FARP2: variants seen among roughly 807,000 people sequenced by gnomAD.
FARP2 encodes FERM, ARH/RhoGEF and pleckstrin domain protein 2.
A neutral mutation model predicts 130.5 loss-of-function variants in FARP2; 111 were observed. The ratio of observed to expected loss-of-function variants is 0.85; its 90% CI spans 0.73 to 1.00. The LOEUF is 1.00. FARP2 is among the 50% of genes least tolerant of loss of function. The pLI is 0.00. For synonymous variants in FARP2, 504 were observed against 516.9 expected, an observed-to-expected ratio of 0.98 and a Z score of 0.34; for missense variants, 1,385 against 1,346.3, an observed-to-expected ratio of 1.03 and a Z score of -0.45.
chr2:241,439,329 A>T (rs527760954), intron 12 of FARP2, among the ~76,000 whole-genome samples: 2 of 150,524 alleles, frequency 1.3e-5, no homozygotes, highest in Non-Finnish European at 3.0e-5. Context: ...CAAAGTTAGA[A>T]TTTTTTTTTC....
intron 2 of FARP2, among the ~76,000 whole-genome samples, chr2:241,383,021 A>G (rs1245471312): frequency 6.6e-6 from 1 of 152,266 alleles, no homozygotes; most frequent in African/African-American, 2.4e-5. Flanking sequence ...CTTCGCAGAA[A>G]GTGATTACTT....
intron 8 of FARP2, among the ~76,000 whole-genome samples, chr2:241,420,672 G>A (rs934764086): frequency 5.9e-5 from 9 of 152,134 alleles, no homozygotes; most frequent in Non-Finnish European, 1.0e-4. Flanking sequence ...TGGTCTGCAC[G>A]CCAGGCAGGG....
At chr2:241,367,695 A>G (rs1422791310) in intron 1 of FARP2, among the ~76,000 whole-genome samples, 1 of 151,904 alleles carries the variant, frequency 6.6e-6, no homozygotes, top group Non-Finnish European at 1.5e-5. Flanking sequence ...AGGAAAGGTG[A>G]TTTTTTTTAA....
chr2:241,477,705 G>C (rs1363357227), intron 19 of FARP2, among the ~76,000 whole-genome samples: 2 of 152,208 alleles, frequency 1.3e-5, no homozygotes, highest in African/African-American at 4.8e-5. Flanking sequence ...ACTCGTATGA[G>C]ACTTCCAGTT....
At chr2:241,466,225 C>T (rs2064165305) in intron 17 of FARP2, 1 of 985,336 alleles carries the variant, frequency 1.0e-6, no homozygotes, top group Non-Finnish European at 1.2e-6. Context: ...AGCCCGGGCC[C>T]CTGTCCCCCT....
chr2:241,436,407 A>C lies in FARP2; in HGVS notation c.1101-74A>C, dbSNP rs546279870. ...GAGGTTTTCTTCATGGATACAGTACATGCTTGCTGCTTTAAAAACAGGCGC... is the reference window on the plus strand; with the variant it reads ...GAGGTTTTCTTCATGGATACAGTACCTGCTTGCTGCTTTAAAAACAGGCGC... On this transcript the variant is annotated intron_variant, in intron 11 of 26. Coordinates refer to ENST00000264042, the MANE Select transcript of FARP2 (RefSeq NM_014808.4). The C allele has an allele frequency of 1.1e-4, 152 of 1,328,798 alleles. 2 individuals are homozygous for C. The highest frequency in any genetic ancestry group is 1.8e-4 in the Middle Eastern group (1 of 5,558). 82.3% of individuals were successfully genotyped at this position (1,328,798 alleles called of 1,614,324 possible). A position where few individuals can be genotyped will look rare whatever the true frequency, so the allele number is the denominator to read the frequency against.
At chr2:241,415,611 G>A (rs1175193263) in intron 7 of FARP2, among the ~76,000 whole-genome samples, 4 of 152,196 alleles carry the variant, frequency 2.6e-5, no homozygotes, top group African/African-American at 9.7e-5. Flanking sequence ...GCAGATACAG[G>A]TCAGGAAGGG....
In FARP2 at chr2:241,356,397, G is replaced by T. The variant is rs901078526; in HGVS notation, c.-25+9G>T. On this transcript the variant is annotated intron_variant, in intron 1 of 26. Coordinates refer to ENST00000264042, the MANE Select transcript of FARP2 (RefSeq NM_014808.4). ...CGAGCGAGAGGCCGAGGGTGAGGAC[G>T]TGAAGCGGCCTGGGCGCGTGGGGCA... The T allele has an allele frequency of 2.0e-5, 3 of 152,236 alleles. No homozygotes were observed. The highest frequency in any genetic ancestry group is 2.0e-4 in the Admixed American group (3 of 15,286). 9.4% of individuals were successfully genotyped at this position (152,236 alleles called of 1,614,324 possible).
chr2:241,465,616 CT>C (rs1348256847), intron 17 of FARP2: 20 of 1,550,660 alleles, frequency 1.3e-5, no homozygotes, highest in Non-Finnish European at 1.7e-5. Context: ...CGTGCATTGA[CT>C]GTTCAGGGGT....
At chr2:241,447,402 T>G (rs1340290036) in intron 13 of FARP2, among the ~76,000 whole-genome samples, 2 of 152,158 alleles carry the variant, frequency 1.3e-5, no homozygotes, top group Non-Finnish European at 2.9e-5. Context: ...GTCTTAGCTC[T>G]GTCAGTGCTT....
In FARP2 at chr2:241,491,199, C is replaced by T; in HGVS notation, c.2623+20C>T. 2 of 1,543,214 alleles carry T rather than the reference C, an allele frequency of 1.3e-6. No individual in the cohort carries two copies. Among genetic ancestry groups the T allele is most frequent in the Non-Finnish European group, 1.8e-6 (2 of 1,116,390 alleles). The stretch of plus-strand genomic sequence containing the variant: ...CCCCCAGTGAGTGCTGGCCACAACC[C>T]CCCAGGAGACCTCCACTACACCTAA... On this transcript the variant is annotated intron_variant, in intron 23 of 26. Coordinates refer to ENST00000264042, the MANE Select transcript of FARP2 (RefSeq NM_014808.4).
At chr2:241,442,054 C>T (rs1238169936) in intron 13 of FARP2, 1 of 362,310 alleles carries the variant, frequency 2.8e-6, no homozygotes, top group Non-Finnish European at 5.5e-6. Flanking sequence ...TGGGAACGCA[C>T]ACCCCTCAGA....
At chr2:241,389,790 A>G (rs2061866318) in intron 2 of FARP2, among the ~76,000 whole-genome samples, 3 of 152,150 alleles carry the variant, frequency 2.0e-5, no homozygotes, top group Admixed American at 2.0e-4. Context: ...TAATATTTGC[A>G]GCGCTTATTC....
At chr2:241,492,844 G>A in intron 24 of FARP2, 85 bp from the exon 25 acceptor site, 1 of 758,558 alleles carries the variant, frequency 1.3e-6, no homozygotes, top group Non-Finnish European at 2.3e-6. Context: ...AAAGCATGCA[G>A]AGGCTTAGTC....
chr2:241,384,278 C>G (rs1000183885), intron 2 of FARP2, among the ~76,000 whole-genome samples: 16 of 152,156 alleles, frequency 1.1e-4, no homozygotes, highest in African/African-American at 3.9e-4. Flanking sequence ...CTGGAATGTT[C>G]TATGCACATG....
chr2:241,458,178 A>G lies in FARP2; in HGVS notation c.1587+1256A>G, dbSNP rs151015046. 4.7e-3 allele frequency among the ~76,000 whole-genome samples: 710 copies of G among 152,220 alleles called. 8 individuals are homozygous for G. Among genetic ancestry groups the G allele is most frequent in the African/African-American group, 0.016 (648 of 41,514 alleles). ...AGATGGACCCTAAAAGAAAAGACTC[A>G]GGGTCCAGGGAGTTTGTAGACTATA... On this transcript the variant is annotated intron_variant, in intron 14 of 26. Coordinates refer to ENST00000264042, the MANE Select transcript of FARP2 (RefSeq NM_014808.4).
intron 8 of FARP2, among the ~76,000 whole-genome samples, chr2:241,428,161 T>G (rs2063002155): frequency 6.6e-6 from 1 of 152,122 alleles, no homozygotes; most frequent in Non-Finnish European, 1.5e-5. Flanking sequence ...GATGTTTTGT[T>G]TTGCTTTGTT....
chr2:241,362,497 G>A (rs1361056204), intron 1 of FARP2, among the ~76,000 whole-genome samples: 1 of 152,080 alleles, frequency 6.6e-6, no homozygotes, highest in Non-Finnish European at 1.5e-5. Flanking sequence ...AACTACTCGG[G>A]AGGCTGAGGC....
At chr2:241,449,384 G>A (rs763432090) in intron 13 of FARP2, among the ~76,000 whole-genome samples, 93 of 152,106 alleles carry the variant, frequency 6.1e-4, no homozygotes, top group Non-Finnish European at 9.0e-4. Flanking sequence ...CGCCTCTGAA[G>A]TCAACCTTCA....
Sources: gnomAD v4.1 joint callset for allele counts (sites outside exome capture counted in the v4.1 genomes callset) on GRCh38, gnomAD v4.1.1 for gene constraint, MANE v1.5 for transcripts, NCBI Gene and HGNC (gene_info 2026-07-23, HGNC 2026-07-21) for gene names.